The following FARSB variants were observed in gnomAD, a reference collection of about 807,000 sequenced individuals.
The protein encoded by FARSB is phenylalanine--tRNA ligase beta subunit.
FARSB carries 40 observed loss-of-function variants against 69.6 expected under a neutral mutation model. That is an observed-to-expected ratio of 0.57 (90% CI 0.45 to 0.75). The LOEUF (loss-of-function observed/expected upper bound fraction) is 0.75. Among genes scored for constraint, FARSB ranks in the 30% least tolerant of loss-of-function variants. The pLI, the probability that FARSB is intolerant of heterozygous loss-of-function variation, is 0.00. For synonymous variants in FARSB, 235 were observed against 247.2 expected, an observed-to-expected ratio of 0.95 and a Z score of 0.46; for missense variants, 632 against 722.9, an observed-to-expected ratio of 0.87 and a Z score of 1.44.
At chr2:222,612,104 T>A (rs566173754) in intron 15 of FARSB, among the ~76,000 whole-genome samples, 61 of 152,296 alleles carry the variant, frequency 4.0e-4, no homozygotes, top group African/African-American at 1.4e-3. Flanking sequence ...ACAGAAAAAT[T>A]TGACAATGGA....
intron 6 of FARSB, 54 bp from the exon 7 acceptor site, chr2:222,633,361 T>A (rs1172498689): frequency 4.6e-6 from 4 of 867,172 alleles, no homozygotes; most frequent in African/African-American, 3.5e-5. Context: ...TTTCTATCAC[T>A]ATAGTTCACA....
intron 16 of FARSB, 114 bp from the exon 17 acceptor site, chr2:222,572,136 T>G: frequency 1.2e-6 from 1 of 862,480 alleles, no homozygotes; most frequent in Non-Finnish European, 1.7e-6. Flanking sequence ...TTTAAATCAC[T>G]GGCTATGAAA....
intron 16 of FARSB, among the ~76,000 whole-genome samples, chr2:222,591,946 C>T (rs944581423): frequency 6.6e-6 from 1 of 152,084 alleles, no homozygotes; most frequent in Admixed American, 6.5e-5. Context: ...TGGGGACAGG[C>T]AATGAATGAG....
chr2:222,632,326 G>A (rs932912397), intron 7 of FARSB, among the ~76,000 whole-genome samples: 3 of 152,172 alleles, frequency 2.0e-5, no homozygotes, highest in African/African-American at 7.2e-5. Flanking sequence ...ACAATCCTAT[G>A]ATGTAATTGC....
At chr2:222,632,776 T>C (rs1312432703) in intron 7 of FARSB, among the ~76,000 whole-genome samples, 15 of 150,926 alleles carry the variant, frequency 9.9e-5, no homozygotes, top group Admixed American at 8.6e-4. Context: ...ACTGCACCAC[T>C]GCACTCCAGC....
rs1458618265 is a variant in FARSB at position 222,571,334 on chromosome 2, A to G, written c.*537T>C. 6.6e-6 allele frequency: 1 copy of G among 152,170 alleles called. No homozygotes were observed. Among genetic ancestry groups the G allele is most frequent in the Non-Finnish European group, 1.5e-5 (1 of 68,068 alleles). The allele number at this position is 152,170 out of a possible 1,614,324, so 9.4% of individuals were successfully genotyped here. A position where few individuals can be genotyped will look rare whatever the true frequency, so the allele number is the denominator to read the frequency against. ...CAGATTTTTCTTTCACTTTAAACTG[A>G]CCTCAGAAGCTATAATTGTTGGACC... On this transcript the variant is annotated 3_prime_UTR_variant, in exon 17 of 17. Transcript: ENST00000281828.
chr2:222,637,336 A>G (rs549031951), intron 5 of FARSB, among the ~76,000 whole-genome samples: 1 of 152,304 alleles, frequency 6.6e-6, no homozygotes, highest in Admixed American at 6.5e-5. Flanking sequence ...CAAGAGACAT[A>G]GCTGAGAGTT....
chr2:222,611,441 G>C (rs1323457195), intron 15 of FARSB, among the ~76,000 whole-genome samples: 24 of 134,250 alleles, frequency 1.8e-4, no homozygotes, highest in African/African-American at 6.1e-4. Context: ...TCTTCTTTTT[G>C]GGGGGGCGGG....
chr2:222,597,679 ATCT>A (rs1210865539), intron 16 of FARSB, among the ~76,000 whole-genome samples: 1 of 152,102 alleles, frequency 6.6e-6, no homozygotes, highest in Non-Finnish European at 1.5e-5. Flanking sequence ...TGTGGCTTCT[ATCT>A]TCTTAAGGTT....
intron 11 of FARSB, 49 bp from the exon 12 acceptor site, chr2:222,624,528 ATGTT>A: frequency 7.6e-7 from 1 of 1,321,904 alleles, no homozygotes. Context: ...TATTTTTTTA[ATGTT>A]TACATTGTGT....
At chr2:222,576,024 T>C (rs1689831173) in intron 16 of FARSB, among the ~76,000 whole-genome samples, 1 of 151,778 alleles carries the variant, frequency 6.6e-6, no homozygotes, top group Non-Finnish European at 1.5e-5. Flanking sequence ...AAAGTTTGGA[T>C]AAGCTTTACA....
chr2:222,596,262 C>T (rs1344481358), intron 16 of FARSB, among the ~76,000 whole-genome samples: 1 of 152,110 alleles, frequency 6.6e-6, no homozygotes, highest in Non-Finnish European at 1.5e-5. Context: ...CCAATGTCAA[C>T]AAAACTCCAT....
At chr2:222,600,591 T>C (rs1177615586) in intron 15 of FARSB, among the ~76,000 whole-genome samples, 1 of 152,256 alleles carries the variant, frequency 6.6e-6, no homozygotes, top group African/African-American at 2.4e-5. Flanking sequence ...AGAAAGCATC[T>C]TTATGATGGT....
intron 16 of FARSB, among the ~76,000 whole-genome samples, chr2:222,591,940 G>A (rs1690285100): frequency 6.6e-6 from 1 of 152,166 alleles, no homozygotes; most frequent in South Asian, 2.1e-4. Flanking sequence ...TTATAGTGGG[G>A]ACAGGCAATG....
At chr2:222,612,551 T>C (rs762836517) in intron 15 of FARSB, among the ~76,000 whole-genome samples, 3 of 152,246 alleles carry the variant, frequency 2.0e-5, no homozygotes, top group Non-Finnish European at 2.9e-5. Context: ...TATCCTCTTC[T>C]GGAGAAATTG....
rs185738517 is a variant in FARSB at position 222,611,815 on chromosome 2, C to T, written c.1462+1996G>A. 1.5e-3 allele frequency among the ~76,000 whole-genome samples: 221 copies of T among 152,282 alleles called. 1 individual carries two copies. Among genetic ancestry groups the T allele is most frequent in the Admixed American group, 0.013 (193 of 15,300 alleles). On this transcript the variant is annotated intron_variant, in intron 15 of 16. Transcript: ENST00000281828. Reference sequence around the variant, plus strand: ...AGGACTAAAATACTGCCAAGTGCCCCATCCCTACAACAGCCCCAGCTTCCT... The same window carrying T: ...AGGACTAAAATACTGCCAAGTGCCCTATCCCTACAACAGCCCCAGCTTCCT...
rs1691757934 is a variant in FARSB, at chr2:222,642,862, G to T, written c.258C>A (p.Val86=). 1 of 1,604,504 alleles carries T rather than the reference G, an allele frequency of 6.2e-7. No individual in the cohort carries two copies. The highest frequency in any genetic ancestry group is 8.5e-7 in the Non-Finnish European group (1 of 1,176,104). The change falls in exon 3 of 17, where the codon GTC becomes GTA. Residue 86 remains valine (V), a synonymous_variant. Coordinates refer to ENST00000281828, the MANE Select transcript of FARSB (RefSeq NM_005687.5). ...CLEGLVRGLQ[V]FKERIKAPVY... is the part of the protein sequence containing the mutation. ...ACATATTTCCTTACCTTTCTTTGAA[G>T]ACCTGAAGTCCTCGAACCAATCCTT... is the stretch of plus-strand genomic sequence containing the variant.
At chr2:222,627,271 C>T (rs772966404) in intron 10 of FARSB, among the ~76,000 whole-genome samples, 2 of 152,150 alleles carry the variant, frequency 1.3e-5, no homozygotes, top group Non-Finnish European at 2.9e-5. Context: ...TGGCTTTGGC[C>T]AACAGAATAA....
At chr2:222,590,481 T>C (rs978171736) in intron 16 of FARSB, among the ~76,000 whole-genome samples, 2 of 149,540 alleles carry the variant, frequency 1.3e-5, no homozygotes, top group Non-Finnish European at 3.0e-5. Flanking sequence ...AACCTGCACA[T>C]TGTGCATATG....
Sources: gnomAD v4.1 joint callset for allele counts (sites outside exome capture counted in the v4.1 genomes callset) on GRCh38, gnomAD v4.1.1 for gene constraint, MANE v1.5 for transcripts, NCBI Gene and HGNC (gene_info 2026-07-23, HGNC 2026-07-21) for gene names.